LHFPL3: variants seen among roughly 807,000 people sequenced by gnomAD.
LHFPL3 encodes the protein LHFPL tetraspan subfamily member 3.
Under a neutral mutation model 19.3 loss-of-function variants are expected in LHFPL3, and 5 were observed. That is an observed-to-expected ratio of 0.26 (90% CI 0.14 to 0.54). The LOEUF (loss-of-function observed/expected upper bound fraction) is 0.54, where lower values mean the gene tolerates loss of function less well. LHFPL3 is among the 20% of genes least tolerant of loss of function. The pLI is 0.94. For missense variants in LHFPL3, 249 were observed against 307.4 expected (o/e 0.81, Z 1.42); for synonymous variants, 133 against 126.2 (o/e 1.05, Z -0.36).
chr7:104,691,982 G>T (rs751468865), intron 1 of LHFPL3, among the ~76,000 whole-genome samples: 2 of 152,210 alleles, frequency 1.3e-5, no homozygotes, highest in Admixed American at 1.3e-4. Flanking sequence ...GGAGGAACTT[G>T]TTGGGAACTG....
chr7:104,893,851 C>G (rs1195114279), intron 2 of LHFPL3, among the ~76,000 whole-genome samples: 1 of 151,744 alleles, frequency 6.6e-6, no homozygotes, highest in African/African-American at 2.4e-5. Context: ...ACTCAGGAGG[C>G]TGACGTGGGA....
chr7:104,551,684 A>G (rs1006044771), intron 1 of LHFPL3, among the ~76,000 whole-genome samples: 1 of 152,200 alleles, frequency 6.6e-6, no homozygotes, highest in Non-Finnish European at 1.5e-5. Flanking sequence ...CTTGGCAACA[A>G]CCACTCAAAA....
At chr7:104,777,842 G>A (rs942854371) in intron 2 of LHFPL3, among the ~76,000 whole-genome samples, 1 of 151,746 alleles carries the variant, frequency 6.6e-6, no homozygotes, top group Admixed American at 6.6e-5. Flanking sequence ...ATGTCCTTTT[G>A]AGAAATTCCT....
At chr7:104,338,734 T>C (rs896677592) in intron 1 of LHFPL3, among the ~76,000 whole-genome samples, 1 of 152,126 alleles carries the variant, frequency 6.6e-6, no homozygotes, top group African/African-American at 2.4e-5. Context: ...CCCAATTAAA[T>C]TGTAGGTTGA....
At chr7:104,425,807 G>A (rs962817519) in intron 1 of LHFPL3, among the ~76,000 whole-genome samples, 14 of 152,166 alleles carry the variant, frequency 9.2e-5, no homozygotes, top group African/African-American at 3.1e-4. Flanking sequence ...AGGCTTTTCT[G>A]AAGCTGCTTT....
At chr7:104,598,539 G>T (rs1376197686) in intron 1 of LHFPL3, among the ~76,000 whole-genome samples, 3 of 152,224 alleles carry the variant, frequency 2.0e-5, no homozygotes, top group Non-Finnish European at 4.4e-5. Flanking sequence ...TTCATGGCCA[G>T]AGTTTTTGGA....
chr7:104,430,453 TA>T (rs1562895361), intron 1 of LHFPL3, among the ~76,000 whole-genome samples: 4 of 22,634 alleles, frequency 1.8e-4, no homozygotes, highest in Non-Finnish European at 2.8e-4. Flanking sequence ...TATATATATA[TA>T]TTTTTTTTTT....
At chr7:104,812,227 T>C (rs547758179) in intron 2 of LHFPL3, among the ~76,000 whole-genome samples, 1 of 152,318 alleles carries the variant, frequency 6.6e-6, no homozygotes, top group East Asian at 1.9e-4. Flanking sequence ...GGCGTGACCA[T>C]TGCTGAAAGA....
intron 1 of LHFPL3, among the ~76,000 whole-genome samples, chr7:104,448,864 T>C (rs1332965753): frequency 6.6e-6 from 1 of 152,218 alleles, no homozygotes; most frequent in Non-Finnish European, 1.5e-5. Flanking sequence ...TCTGTAATAA[T>C]TTAATGACAG....
chr7:104,837,807 C>T (rs1321555405), intron 2 of LHFPL3, among the ~76,000 whole-genome samples: 1 of 152,154 alleles, frequency 6.6e-6, no homozygotes, highest in African/African-American at 2.4e-5. Context: ...TTAGCTGCCA[C>T]ATTCCAGTGC....
chr7:104,830,714 C>T (rs1788420261), intron 2 of LHFPL3, among the ~76,000 whole-genome samples: 1 of 151,850 alleles, frequency 6.6e-6, no homozygotes, highest in Non-Finnish European at 1.5e-5. Flanking sequence ...GTACCAGTAC[C>T]ATGCTGTTTT....
At chr7:104,820,655 C>T (rs1441106636) in intron 2 of LHFPL3, among the ~76,000 whole-genome samples, 1 of 152,146 alleles carries the variant, frequency 6.6e-6, no homozygotes, top group East Asian at 1.9e-4. Flanking sequence ...ACAAAGAACT[C>T]ATTTCTCCCT....
At chr7:104,638,814 G>A (rs1341461454) in intron 1 of LHFPL3, among the ~76,000 whole-genome samples, 1 of 150,338 alleles carries the variant, frequency 6.7e-6, no homozygotes, top group Non-Finnish European at 1.5e-5. Context: ...CCAGGCTGGA[G>A]TGCAGTGGCA....
chr7:104,398,846 C>T (rs1323470311), intron 1 of LHFPL3, among the ~76,000 whole-genome samples: 1 of 130,740 alleles, frequency 7.6e-6, no homozygotes, highest in Non-Finnish European at 1.6e-5. Context: ...TGATGCCCGC[C>T]CCCCGGCCCT....
intron 2 of LHFPL3, among the ~76,000 whole-genome samples, chr7:104,746,066 T>C (rs555658168): frequency 6.6e-6 from 1 of 152,198 alleles, no homozygotes; most frequent in African/African-American, 2.4e-5. Context: ...ATCCCAGCAC[T>C]TAAGGAGGCC....
At chr7:104,432,463 G>A (rs924428929) in intron 1 of LHFPL3, among the ~76,000 whole-genome samples, 1 of 152,074 alleles carries the variant, frequency 6.6e-6, no homozygotes. Flanking sequence ...TCCTCTTCGG[G>A]CCATTCCTGT....
At chr7:104,834,579 G>A (rs1378893995) in intron 2 of LHFPL3, among the ~76,000 whole-genome samples, 12 of 151,982 alleles carry the variant, frequency 7.9e-5, no homozygotes, top group Non-Finnish European at 1.3e-4. Context: ...CTGAAGTGTC[G>A]CAGTTGCCCT....
intron 1 of LHFPL3, among the ~76,000 whole-genome samples, chr7:104,692,687 C>A (rs1792926618): frequency 6.6e-6 from 1 of 152,208 alleles, no homozygotes; most frequent in Admixed American, 6.5e-5. Flanking sequence ...ACACAGAAGT[C>A]AAGAATTGAG....
chr7:104,440,644 G>A (rs1792207347), intron 1 of LHFPL3, among the ~76,000 whole-genome samples: 1 of 152,098 alleles, frequency 6.6e-6, no homozygotes, highest in East Asian at 1.9e-4. Context: ...ATAGTATTAG[G>A]TTAGCCATAT....
Sources: gnomAD v4.1 joint callset for allele counts (sites outside exome capture counted in the v4.1 genomes callset) on GRCh38, gnomAD v4.1.1 for gene constraint, MANE v1.5 for transcripts, NCBI Gene and HGNC (gene_info 2026-07-23, HGNC 2026-07-21) for gene names.